Variants in ANKS1B observed in about 807,000 individuals in gnomAD.
ANKS1B encodes the protein ankyrin repeat and sterile alpha motif domain containing 1B, also known as ankyrin repeat and sterile alpha motif domain-containing protein 1B.
A neutral mutation model predicts 148.3 loss-of-function variants in ANKS1B; 36 were observed. That is an observed-to-expected ratio of 0.24 (90% CI 0.19 to 0.32). ANKS1B has a LOEUF of 0.32. ANKS1B is among the 10% of genes least tolerant of loss of function. ANKS1B has a pLI of 1.00. For synonymous variants in ANKS1B, 542 were observed against 560.8 expected (o/e 0.97, Z 0.47); for missense variants, 1,157 against 1,542.6 (o/e 0.75, Z 4.19).
At chr12:99,850,281 G>GTCTCTCCCTCTCTCCC (rs57015094) in intron 1 of ANKS1B, among the ~76,000 whole-genome samples, 1 of 114,206 alleles carries the variant, frequency 8.8e-6, no homozygotes, top group African/African-American at 3.6e-5. Context: ...AAGCAAGAAA[G>GTCTCTCCCTCTCTCCC]TCTCTCTCTC....
intron 1 of ANKS1B, among the ~76,000 whole-genome samples, chr12:99,890,547 G>C (rs1281581367): frequency 6.7e-6 from 1 of 149,356 alleles, no homozygotes; most frequent in East Asian, 2.0e-4. Flanking sequence ...CTTAAAATAA[G>C]TCTCTTTCTC....
intron 8 of ANKS1B, among the ~76,000 whole-genome samples, chr12:99,698,956 TTC>T (rs1416065922): frequency 5.0e-5 from 6 of 119,584 alleles, no homozygotes; most frequent in Admixed American, 1.8e-4. Flanking sequence ...CCTACTGCTG[TTC>T]TGTGTGTGTG....
chr12:99,601,426 TTTAGA>T (rs1163127436), intron 9 of ANKS1B, among the ~76,000 whole-genome samples: 3 of 152,100 alleles, frequency 2.0e-5, no homozygotes, highest in African/African-American at 7.2e-5. Flanking sequence ...ACATTGTAGC[TTTAGA>T]TTAATTTTCA....
At chr12:99,238,825 T>A (rs1185585205) in intron 14 of ANKS1B, among the ~76,000 whole-genome samples, 1 of 152,130 alleles carries the variant, frequency 6.6e-6, no homozygotes, top group Non-Finnish European at 1.5e-5. Context: ...CTGAGGGGCT[T>A]GACTGTTAGA....
chr12:99,074,390 T>C (rs1273215504), intron 16 of ANKS1B, among the ~76,000 whole-genome samples: 1 of 151,496 alleles, frequency 6.6e-6, no homozygotes, highest in African/African-American at 2.4e-5. Context: ...GTAGTAGCCA[T>C]CTTGCTTTGT....
Position 99,144,568 on chromosome 12 carries a change from A to G in ANKS1B, c.2526+9721T>C, listed in dbSNP as rs118058646. 2.6e-3 allele frequency among the ~76,000 whole-genome samples: 401 copies of G among 152,178 alleles called. 9 individuals carry two copies. In the South Asian group the frequency reaches 0.046, roughly 17 times the overall value. On this transcript the variant is annotated intron_variant, in intron 15 of 26. Coordinates refer to ENST00000683438, the MANE Select transcript of ANKS1B (RefSeq NM_001352186.2). ...GGGATAATAAACAAAGGCTACACATATACACACATTTATTGAGAACTGTTA... is the reference window on the plus strand; with the variant it reads ...GGGATAATAAACAAAGGCTACACATGTACACACATTTATTGAGAACTGTTA...
At chr12:99,341,150 C>A (rs2089850268) in intron 12 of ANKS1B, 1 of 152,092 alleles carries the variant, frequency 6.6e-6, no homozygotes, top group Non-Finnish European at 1.5e-5. Flanking sequence ...GTGTTCAGGT[C>A]TCAAGGACAA....
intron 1 of ANKS1B, among the ~76,000 whole-genome samples, chr12:99,873,252 G>C (rs544988170): frequency 9.8e-5 from 15 of 152,290 alleles, no homozygotes; most frequent in African/African-American, 3.4e-4. Flanking sequence ...GAGGAAGACT[G>C]TTGACATAAG....
chr12:99,081,149 C>T (rs2049610849), intron 16 of ANKS1B, among the ~76,000 whole-genome samples: 1 of 152,132 alleles, frequency 6.6e-6, no homozygotes. Flanking sequence ...TAAAGAATAG[C>T]TATTCTTACA....
intron 10 of ANKS1B, among the ~76,000 whole-genome samples, chr12:99,499,074 A>G (rs1289574962): frequency 6.6e-6 from 1 of 152,206 alleles, no homozygotes; most frequent in Non-Finnish European, 1.5e-5. Flanking sequence ...AAGAAGTAAC[A>G]GTTATGTTGA....
downstream of ANKS1B, among the ~76,000 whole-genome samples, chr12:98,743,268 TTG>T (rs897102669): frequency 1.3e-5 from 2 of 152,200 alleles, no homozygotes; most frequent in African/African-American, 4.8e-5. Context: ...GAGAAAAATC[TTG>T]TGTGTCTTGA....
chr12:99,435,405 G>C (rs920991288), intron 11 of ANKS1B, among the ~76,000 whole-genome samples: 5 of 152,030 alleles, frequency 3.3e-5, no homozygotes, highest in Non-Finnish European at 5.9e-5. Context: ...ACTTTAAAAG[G>C]TTCCCAAATA....
intron 12 of ANKS1B, among the ~76,000 whole-genome samples, chr12:99,356,488 A>C (rs1195781134): frequency 6.6e-6 from 1 of 152,136 alleles, no homozygotes. Context: ...TCAGGAAGGA[A>C]AATTCCTTCC....
chr12:99,368,640 C>T (rs1386192446), intron 12 of ANKS1B, among the ~76,000 whole-genome samples: 1 of 151,862 alleles, frequency 6.6e-6, no homozygotes, highest in Non-Finnish European at 1.5e-5. Context: ...TTTTCTTGCA[C>T]TATCTGTTGT....
At chr12:99,426,172 A>G (rs1333275371) in intron 11 of ANKS1B, among the ~76,000 whole-genome samples, 1 of 150,650 alleles carries the variant, frequency 6.6e-6, no homozygotes, top group Non-Finnish European at 1.5e-5. Context: ...ATATTTCATT[A>G]GAGTGCATTG....
At chr12:99,603,461 G>A (rs989310028) in intron 9 of ANKS1B, among the ~76,000 whole-genome samples, 10 of 151,998 alleles carry the variant, frequency 6.6e-5, no homozygotes, top group Admixed American at 2.0e-4. Flanking sequence ...ATTGCAAAGC[G>A]GGCTTTATTG....
At chr12:99,521,504 G>A (rs925355122) in intron 9 of ANKS1B, among the ~76,000 whole-genome samples, 6 of 152,118 alleles carry the variant, frequency 3.9e-5, no homozygotes, top group Non-Finnish European at 7.3e-5. Context: ...AGTCTTCGCA[G>A]TACAGGCTTG....
chr12:99,780,022 A>T, intron 5 of ANKS1B, 50 bp from the exon 6 acceptor site: 7 of 1,198,384 alleles, frequency 5.8e-6, no homozygotes, highest in Non-Finnish European at 8.5e-6. Flanking sequence ...AAGTATCCTC[A>T]AAAGATACTA....
intron 9 of ANKS1B, chr12:99,648,833 G>A: frequency 6.4e-7 from 1 of 1,567,834 alleles, no homozygotes; most frequent in Non-Finnish European, 8.7e-7. Context: ...TGCTTTGGGG[G>A]AGAGCAGGTA....
Sources: allele counts gnomAD v4.1 joint callset (sites outside exome capture counted in the v4.1 genomes callset), GRCh38; gene constraint gnomAD v4.1.1; transcripts MANE v1.5; gene names NCBI Gene and HGNC (gene_info 2026-07-23, HGNC 2026-07-21).